GALNTL6: variants seen among roughly 807,000 people sequenced by gnomAD.
The protein encoded by GALNTL6 is polypeptide N-acetylgalactosaminyltransferase-like 6.
In GALNTL6, 46 loss-of-function variants were observed where a neutral mutation model predicts 73.7. The ratio of observed to expected loss-of-function variants is 0.62; its 90% CI spans 0.49 to 0.80. GALNTL6 has a LOEUF of 0.80. GALNTL6 is among the 30% of genes least tolerant of loss of function. The probability of loss-of-function intolerance (pLI) is 0.00; values close to 1 mark genes in which losing one functional copy is unlikely to be tolerated. For synonymous variants in GALNTL6, 259 were observed against 263.7 expected (o/e 0.98, Z 0.17); for missense variants, 604 against 755.0 (o/e 0.80, Z 2.34).
At chr4:172,205,795 A>G (rs1027376799) in intron 2 of GALNTL6, among the ~76,000 whole-genome samples, 2 of 152,222 alleles carry the variant, frequency 1.3e-5, no homozygotes, top group Non-Finnish European at 2.9e-5. Context: ...CAGAAAAGTT[A>G]CCATAATGTT....
intron 2 of GALNTL6, among the ~76,000 whole-genome samples, chr4:171,950,486 T>TC (rs1421324237): frequency 2.3e-5 from 1 of 42,826 alleles, no homozygotes; most frequent in Non-Finnish European, 4.8e-5. Flanking sequence ...TCTTTTCTTT[T>TC]TTTTTTTTTT....
intron 5 of GALNTL6, among the ~76,000 whole-genome samples, chr4:172,520,058 T>C (rs1332818642): frequency 1.3e-5 from 2 of 151,938 alleles, no homozygotes; most frequent in Non-Finnish European, 2.9e-5. Context: ...TTATTAATAG[T>C]AATATGTCGT....
At chr4:172,234,245 T>A (rs1737167774) in intron 3 of GALNTL6, among the ~76,000 whole-genome samples, 1 of 152,124 alleles carries the variant, frequency 6.6e-6, no homozygotes, top group Non-Finnish European at 1.5e-5. Flanking sequence ...TAATTTTAGT[T>A]TTAGTTTTCT....
intron 8 of GALNTL6, among the ~76,000 whole-genome samples, chr4:172,886,856 G>A (rs555877127): frequency 2.6e-5 from 4 of 152,160 alleles, no homozygotes; most frequent in Admixed American, 2.0e-4. Flanking sequence ...TTAGATTCAG[G>A]GGGTACACGT....
chr4:171,899,965 T>A (rs544214470), intron 2 of GALNTL6, among the ~76,000 whole-genome samples: 1 of 152,298 alleles, frequency 6.6e-6, no homozygotes, highest in African/African-American at 2.4e-5. Flanking sequence ...CTTTTTGTAA[T>A]ATGAATGCTT....
intron 9 of GALNTL6, among the ~76,000 whole-genome samples, chr4:172,944,396 A>G (rs1749059684): frequency 6.6e-6 from 1 of 152,240 alleles, no homozygotes; most frequent in Non-Finnish European, 1.5e-5. Context: ...CATTAGGAAA[A>G]TATAAATTAA....
At chr4:172,405,016 G>T (rs560503821) in intron 5 of GALNTL6, among the ~76,000 whole-genome samples, 1 of 152,152 alleles carries the variant, frequency 6.6e-6, no homozygotes, top group South Asian at 2.1e-4. Flanking sequence ...AAGCTGCAAT[G>T]ATTACATCCT....
intron 12 of GALNTL6, among the ~76,000 whole-genome samples, chr4:173,029,731 T>C (rs530009006): frequency 6.6e-6 from 1 of 152,360 alleles, no homozygotes; most frequent in East Asian, 1.9e-4. Flanking sequence ...TCCAATCTTA[T>C]ATCTGTACAG....
intron 5 of GALNTL6, among the ~76,000 whole-genome samples, chr4:172,437,293 A>C (rs984235211): frequency 1.3e-4 from 20 of 152,164 alleles, no homozygotes; most frequent in African/African-American, 4.8e-4. Context: ...GTTCAAGGTG[A>C]ATTCTAAAAC....
intron 5 of GALNTL6, among the ~76,000 whole-genome samples, chr4:172,652,303 A>G (rs1462827674): frequency 6.6e-6 from 1 of 152,230 alleles, no homozygotes; most frequent in Non-Finnish European, 1.5e-5. Flanking sequence ...AAAGTAAAAT[A>G]GAGAAACCTA....
intron 2 of GALNTL6, among the ~76,000 whole-genome samples, chr4:171,892,813 C>T (rs1484443774): frequency 2.6e-5 from 4 of 152,162 alleles, no homozygotes; most frequent in Admixed American, 6.5e-5. Context: ...GCTACAACCT[C>T]GGCCTCTCAA....
intron 5 of GALNTL6, among the ~76,000 whole-genome samples, chr4:172,409,736 A>T (rs1579046151): frequency 6.6e-6 from 1 of 152,026 alleles, no homozygotes; most frequent in East Asian, 1.9e-4. Context: ...AACAATAATT[A>T]ACAATTTTTG....
intron 2 of GALNTL6, among the ~76,000 whole-genome samples, chr4:172,200,599 A>C (rs1469896117): frequency 6.6e-6 from 1 of 152,192 alleles, no homozygotes; most frequent in East Asian, 1.9e-4. Context: ...TAGAATTTAG[A>C]CTTTATGTAG....
Position 172,876,166 on chromosome 4 carries a change from T to C in GALNTL6, c.924-6624T>C, listed in dbSNP as rs564114920. 1.2e-3 allele frequency among the ~76,000 whole-genome samples: 176 copies of C among 152,336 alleles called. 1 individual carries two copies. Among genetic ancestry groups the C allele is most frequent in the African/African-American group, 3.6e-3 (149 of 41,566 alleles). ...GGAGTCTACTATTCTACATATGAAG[T>C]AAGCAGCAAAAAGCATATTCAATCT... On this transcript the variant is annotated intron_variant, in intron 7 of 12. Transcript: ENST00000506823.
chr4:172,955,765 A>G (rs1418100800), intron 10 of GALNTL6, among the ~76,000 whole-genome samples: 3 of 150,076 alleles, frequency 2.0e-5, no homozygotes, highest in Non-Finnish European at 3.0e-5. Context: ...GAAGGGAGAT[A>G]GGGGTGGGGC....
intron 7 of GALNTL6, among the ~76,000 whole-genome samples, chr4:172,836,797 A>G (rs554260304): frequency 6.6e-6 from 1 of 152,286 alleles, no homozygotes; most frequent in East Asian, 1.9e-4. Flanking sequence ...TCAAACCAAG[A>G]ATAAAATTAT....
intron 2 of GALNTL6, among the ~76,000 whole-genome samples, chr4:172,055,688 G>C (rs545920404): frequency 4.6e-4 from 70 of 152,262 alleles, no homozygotes; most frequent in African/African-American, 1.6e-3. Flanking sequence ...CAGGTCCTCT[G>C]GGCTGGAGTG....
chr4:171,949,513 G>A (rs1738803695), intron 2 of GALNTL6, among the ~76,000 whole-genome samples: 1 of 152,064 alleles, frequency 6.6e-6, no homozygotes, highest in African/African-American at 2.4e-5. Flanking sequence ...AAACCTGAGA[G>A]GGGAAAAAAG....
At chr4:172,258,911 G>A (rs1485726147) in intron 3 of GALNTL6, among the ~76,000 whole-genome samples, 1 of 151,264 alleles carries the variant, frequency 6.6e-6, no homozygotes. Flanking sequence ...CCAGGATACT[G>A]TGAATGCCAT....
Sources: allele counts gnomAD v4.1 joint callset (sites outside exome capture counted in the v4.1 genomes callset), GRCh38; gene constraint gnomAD v4.1.1; transcripts MANE v1.5; gene names NCBI Gene and HGNC (gene_info 2026-07-23, HGNC 2026-07-21).